Variants in MYBPC3 observed in about 807,000 individuals in gnomAD.
The protein encoded by MYBPC3 is myosin binding protein C3.
A neutral mutation model predicts 159.3 loss-of-function variants in MYBPC3; 108 were observed. The ratio of observed to expected loss-of-function variants is 0.68; its 90% CI spans 0.58 to 0.80. The LOEUF (loss-of-function observed/expected upper bound fraction) is 0.80, where lower values mean the gene tolerates loss of function less well. Ranked by LOEUF, MYBPC3 falls within the 30% of genes least tolerant of loss-of-function variation. The pLI is 0.00. For synonymous variants in MYBPC3, 730 were observed against 702.0 expected (o/e 1.04, Z -0.63); for missense variants, 1,631 against 1,762.1 (o/e 0.93, Z 1.33).
chr11:47,349,494 G>A (rs562335930), intron 5 of MYBPC3, among the ~76,000 whole-genome samples: 9 of 57,894 alleles, frequency 1.6e-4, no homozygotes, highest in South Asian at 5.4e-4. Context: ...CCCCACCCCC[G>A]GCCAAACCTT....
Position 47,346,794 on chromosome 11 carries a change from C to T in MYBPC3, c.909-150G>A. The T allele has an allele frequency of 1.2e-6, 1 of 859,248 alleles. No individual in the cohort carries two copies. The allele number at this position is 859,248 out of a possible 1,614,324, so 53.2% of individuals were successfully genotyped here. A position where few individuals can be genotyped will look rare whatever the true frequency, so the allele number is the denominator to read the frequency against. On this transcript the variant is annotated intron_variant, in intron 10 of 34. Coordinates refer to ENST00000545968, the MANE Select transcript of MYBPC3 (RefSeq NM_000256.3). The surrounding 1 kb of genome is among the most constrained non-coding windows in gnomAD (Gnocchi z 5.3). ...CCTGTGTTGTGGGGCACCCATGCTGCTCCGGAGGCTCTGGCAGGACCTCCT... is the reference window on the plus strand; with the variant it reads ...CCTGTGTTGTGGGGCACCCATGCTGTTCCGGAGGCTCTGGCAGGACCTCCT...
In MYBPC3 at chr11:47,333,605, G is replaced by A. The variant is rs11570113; in HGVS notation, c.3142C>T (p.Arg1048Cys). ...VHSGTYQVTV[R>C]IENMEDKATL... ...GCCTTGTCCTCCATGTTCTCAATGCGCACCGTCACCTGGTAAGTGCCTGAA... is the reference window on the plus strand; with the variant it reads ...GCCTTGTCCTCCATGTTCTCAATGCACACCGTCACCTGGTAAGTGCCTGAA... Residue 1048 changes from arginine (R) to cysteine (C), a missense_variant, in exon 29 of 35, where the codon CGC becomes TGC. Arg to Cys is a radical substitution (Grantham distance 180). Coordinates refer to ENST00000545968, the MANE Select transcript of MYBPC3 (RefSeq NM_000256.3). 1.1e-5 allele frequency: 18 copies of A among 1,603,436 alleles called. No homozygotes were observed. The highest frequency in any genetic ancestry group is 1.7e-5 in the Admixed American group (1 of 60,022).
In MYBPC3 at chr11:47,343,056, CCCACCACGCACT is replaced by C; in HGVS notation, c.1304_1315del (p.Gln435_Gly439delinsArg). 1 of 1,613,166 alleles carries C rather than the reference CCCACCACGCACT, an allele frequency of 6.2e-7. No individual in the cohort carries two copies. Among genetic ancestry groups the C allele is most frequent in the Non-Finnish European group, 8.5e-7 (1 of 1,179,662 alleles). The stretch of plus-strand genomic sequence containing the variant: ...GAGCTCCGTGCTACACTTCTCGCCA[CCCACCACGCACT>C]GGTAGGCTGCGTCGTCCGCCAATGA... On this transcript the variant is annotated inframe_deletion, in exon 15 of 35. Coordinates refer to ENST00000545968, the MANE Select transcript of MYBPC3 (RefSeq NM_000256.3).
chr11:47,332,769 G>C lies in MYBPC3; in HGVS notation c.3490+45C>G. ...CTAGGCCCCTCTCCCTGTTCCCACA[G>C]CCTCCCTGCCCCAGCCCCTGGTTGG... On this transcript the variant is annotated intron_variant, in intron 31 of 34. Transcript: ENST00000545968. This position sits in a 1 kb window ranked among gnomAD's most constrained non-coding sequence, Gnocchi z 4.2. 1 of 1,584,868 alleles carries C rather than the reference G, an allele frequency of 6.3e-7. No homozygotes were observed. The highest frequency in any genetic ancestry group is 8.6e-7 in the Non-Finnish European group (1 of 1,164,526).
intron 20 of MYBPC3, 33 bp from the exon 21 acceptor site, chr11:47,339,823 G>A (rs377221270): frequency 6.2e-7 from 1 of 1,603,632 alleles, no homozygotes; most frequent in Non-Finnish European, 8.5e-7. Flanking sequence ...CAGAGAAACG[G>A]GAGAGCCAGG....
chr11:47,334,655 G>A (rs1323812535), intron 27 of MYBPC3, among the ~76,000 whole-genome samples: 1 of 151,988 alleles, frequency 6.6e-6, no homozygotes, highest in Admixed American at 6.6e-5. Context: ...CCACCTCCCG[G>A]GTCCAAGCGA....
chr11:47,338,236 C>T lies in MYBPC3; in HGVS notation c.2308+284G>A, dbSNP rs1056758107. ...CCTTTCCTCACCATCTTCTCAGCCT[C>T]CTAAAGGCATCACCCCCAGGCACAG... On this transcript the variant is annotated intron_variant, in intron 23 of 34. Coordinates refer to ENST00000545968, the MANE Select transcript of MYBPC3 (RefSeq NM_000256.3). The surrounding 1 kb of genome is among the most constrained non-coding windows in gnomAD (Gnocchi z 4.7). Among the ~76,000 whole-genome samples the T allele has an allele frequency of 6.6e-6, 1 of 152,154 alleles. No individual in the cohort carries two copies. Among genetic ancestry groups the T allele is most frequent in the African/African-American group, 2.4e-5 (1 of 41,446 alleles).
rs1595846728 is a variant in MYBPC3 at position 47,343,423 on chromosome 11, A to AGG, written c.1223+67_1223+68dup. The AGG allele has an allele frequency of 2.0e-6, 3 of 1,516,092 alleles. No individual in the cohort carries two copies. In the East Asian group the frequency reaches 7.3e-5, roughly 37 times the overall value. 93.9% of individuals were successfully genotyped at this position (1,516,092 alleles called of 1,614,324 possible). On this transcript the variant is annotated intron_variant, in intron 13 of 34. Coordinates refer to ENST00000545968, the MANE Select transcript of MYBPC3 (RefSeq NM_000256.3). ...CCGAGTCAGAGATACGCATGTGGAG[A>AGG]GGGGCAGGAGGCAAGGCTATGGGGG...
At chr11:47,341,114 C>T (rs1170607857) in intron 19 of MYBPC3, 24 bp downstream of exon 19, 1 of 1,573,458 alleles carries the variant, frequency 6.4e-7, no homozygotes, top group Admixed American at 1.8e-5. Flanking sequence ...TGCCCCGACC[C>T]ACCCTACCCT....
At chr11:47,337,903 C>A in intron 23 of MYBPC3, 109 bp from the exon 24 acceptor site, 2 of 799,648 alleles carry the variant, frequency 2.5e-6, no homozygotes, top group Non-Finnish European at 4.0e-6. Context: ...GCCCCCACCA[C>A]CCCCAGATCC....
rs201278114 is a variant in MYBPC3 at position 47,352,635 on chromosome 11, C to A, written c.13G>T (p.Gly5Trp). 22 of 1,596,896 alleles carry A rather than the reference C, an allele frequency of 1.4e-5. No individual in the cohort carries two copies. Among genetic ancestry groups the A allele is most frequent in the Non-Finnish European group, 1.5e-5 (17 of 1,171,934 alleles). Residue 5 changes from glycine (G) to tryptophan (W), a missense_variant, in exon 1 of 35, where the codon GGG (glycine) becomes TGG (tryptophan). By Grantham distance (184) the Gly-to-Trp change is radical. Transcript: ENST00000545968. MPEP[G>W]KKPVSAFSKK... ...GTCCTAAAGCTACCTGGCTTCTTCCCCGGCTCAGGCATCCTGAGAGACGTC... is the reference window on the plus strand; with the variant it reads ...GTCCTAAAGCTACCTGGCTTCTTCCACGGCTCAGGCATCCTGAGAGACGTC...
chr11:47,344,141 C>T (rs1293061213), intron 12 of MYBPC3, among the ~76,000 whole-genome samples: 1 of 152,232 alleles, frequency 6.6e-6, no homozygotes, highest in Non-Finnish European at 1.5e-5. Flanking sequence ...TGACCTTGTC[C>T]TTCTGTCTTC....
intron 12 of MYBPC3, 104 bp from the exon 13 acceptor site, chr11:47,343,728 C>CA: frequency 8.8e-7 from 1 of 1,130,328 alleles, no homozygotes; most frequent in Non-Finnish European, 1.2e-6. Flanking sequence ...CCCTCCAATC[C>CA]CCTCTGTGCC....
intron 12 of MYBPC3, among the ~76,000 whole-genome samples, chr11:47,344,287 C>A (rs1359446923): frequency 6.6e-6 from 1 of 152,192 alleles, no homozygotes; most frequent in Admixed American, 6.5e-5. Context: ...GTGTACTCTT[C>A]CCAGGCGCTC....
Position 47,335,171 on chromosome 11 carries a change from G to A in MYBPC3, c.2776C>T (p.His926Tyr). The change falls in exon 27 of 35, where the codon CAC (histidine) becomes TAC (tyrosine). Residue 926 changes from histidine (H) to tyrosine (Y), a missense_variant. Coordinates refer to ENST00000545968, the MANE Select transcript of MYBPC3 (RefSeq NM_000256.3). ...WVAALQGLTE[H>Y]TSILVKDLPT... ...AGGTCCTTCACCAGTATCGATGTGT[G>A]CTCTGTCAGCCCCTGCAGGGCAGCC... is the stretch of plus-strand genomic sequence containing the variant. 2 of 1,611,270 alleles carry A rather than the reference G, an allele frequency of 1.2e-6. No individual in the cohort carries two copies. The highest frequency in any genetic ancestry group is 1.1e-5 in the South Asian group (1 of 90,620).
At chr11:47,335,261 C>A in intron 26 of MYBPC3, 52 bp from the exon 27 acceptor site, 1 of 1,377,584 alleles carries the variant, frequency 7.3e-7, no homozygotes. Flanking sequence ...CCACTGACAC[C>A]CCACTCCCAC....
intron 34 of MYBPC3, 29 bp downstream of exon 34, chr11:47,331,816 T>C: frequency 1.3e-6 from 2 of 1,586,188 alleles, no homozygotes; most frequent in Non-Finnish European, 1.7e-6. Flanking sequence ...AGCCACTGAC[T>C]TGTGCCCTGG....
At chr11:47,334,611 A>C (rs2095880447) in intron 27 of MYBPC3, among the ~76,000 whole-genome samples, 1 of 151,058 alleles carries the variant, frequency 6.6e-6, no homozygotes, top group Non-Finnish European at 1.5e-5. Context: ...CCCAGACTGG[A>C]GTGCAATAGT....
Position 47,332,984 on chromosome 11 carries a change from G to T in MYBPC3, c.3331-11C>A. On this transcript the variant is annotated splice_polypyrimidine_tract_variant and intron_variant, in intron 30 of 34. Transcript: ENST00000545968. The surrounding 1 kb of genome is among the most constrained non-coding windows in gnomAD (Gnocchi z 4.2). ...GACGGTGAACCACTCCTGGGGGCAGGGAGGGAGGGGAGGCATCTCTGGGCC... is the reference window on the plus strand; with the variant it reads ...GACGGTGAACCACTCCTGGGGGCAGTGAGGGAGGGGAGGCATCTCTGGGCC... The T allele has an allele frequency of 6.2e-7, 1 of 1,603,766 alleles. No individual in the cohort carries two copies. The highest frequency in any genetic ancestry group is 8.5e-7 in the Non-Finnish European group (1 of 1,174,980).
Sources: gnomAD v4.1 joint callset for allele counts (sites outside exome capture counted in the v4.1 genomes callset) on GRCh38, gnomAD v4.1.1 for gene constraint, Gnocchi (gnomAD v3.1) non-coding constraint, MANE v1.5 for transcripts, NCBI Gene and HGNC (gene_info 2026-07-23, HGNC 2026-07-21) for gene names.